SCUBE1: variants seen among roughly 807,000 people sequenced by gnomAD.
SCUBE1 encodes the protein signal peptide, CUB domain and EGF like domain containing 1.
A neutral mutation model predicts 124.4 loss-of-function variants in SCUBE1; 59 were observed. The ratio of observed to expected loss-of-function variants is 0.47; its 90% CI spans 0.38 to 0.59. The LOEUF is 0.59. SCUBE1 is among the 20% of genes least tolerant of loss of function. The pLI, the probability that SCUBE1 is intolerant of heterozygous loss-of-function variation, is 0.00. For missense variants in SCUBE1, 1,150 were observed against 1,371.2 expected, an observed-to-expected ratio of 0.84 and a Z score of 2.55; for synonymous variants, 545 against 550.9, an observed-to-expected ratio of 0.99 and a Z score of 0.15.
At chr22:43,229,211 A>G in intron 8 of SCUBE1, 23 bp from the exon 9 acceptor site, 1 of 934,932 alleles carries the variant, frequency 1.1e-6, no homozygotes, top group Non-Finnish European at 1.6e-6. Context: ...AGGGAGACAA[A>G]GTTGGGGGAG....
At chr22:43,219,622 T>C (rs140779935) in intron 14 of SCUBE1, among the ~76,000 whole-genome samples, 11,243 of 151,726 alleles carry the variant, frequency 0.074, 754 homozygotes, top group African/African-American at 0.17. Flanking sequence ...TACAGGTGCC[T>C]GCCACCACAC....
At chr22:43,297,030 C>A (rs1172345879) in intron 3 of SCUBE1, among the ~76,000 whole-genome samples, 1 of 152,234 alleles carries the variant, frequency 6.6e-6, no homozygotes, top group East Asian at 1.9e-4. Flanking sequence ...AAAGGCTGAG[C>A]ATTTGGAGCA....
chr22:43,330,698 C>CT (rs1286779683), intron 2 of SCUBE1, among the ~76,000 whole-genome samples: 1 of 152,190 alleles, frequency 6.6e-6, no homozygotes, highest in Non-Finnish European at 1.5e-5. Flanking sequence ...GTAGCATGAG[C>CT]TTTTTATTTT....
In SCUBE1 at chr22:43,219,674, A is replaced by G. The variant is rs561564934; in HGVS notation, c.1687+776T>C. Among the ~76,000 whole-genome samples the G allele has an allele frequency of 2.8e-4, 42 of 152,112 alleles. 1 individual carries two copies. Among genetic ancestry groups the G allele is most frequent in the Admixed American group, 2.4e-3 (36 of 15,294 alleles). ...TTTTTAGTAGAGACAGGGTTTCACC[A>G]TGTTGGCCAGGCTGGTCTTGAACTC... On this transcript the variant is annotated intron_variant, in intron 14 of 21. Transcript: ENST00000360835.
At chr22:43,302,463 T>G (rs567697663) in intron 3 of SCUBE1, among the ~76,000 whole-genome samples, 1 of 152,320 alleles carries the variant, frequency 6.6e-6, no homozygotes, top group East Asian at 1.9e-4. Flanking sequence ...GGCCAGTTCC[T>G]CCTTGAACTT....
intron 2 of SCUBE1, among the ~76,000 whole-genome samples, 197 bp downstream of exon 2, chr22:43,338,907 C>T (rs1927173205): frequency 6.6e-6 from 1 of 152,230 alleles, no homozygotes; most frequent in Admixed American, 6.5e-5. Flanking sequence ...CTAACTCCAC[C>T]CTTCCAGGGA....
At chr22:43,312,098 G>C (rs1185477031) in intron 3 of SCUBE1, among the ~76,000 whole-genome samples, 6 of 152,230 alleles carry the variant, frequency 3.9e-5, no homozygotes, top group African/African-American at 1.4e-4. Flanking sequence ...AAAATCAGAG[G>C]CTTGTTAGGT....
intron 6 of SCUBE1, among the ~76,000 whole-genome samples, chr22:43,251,939 C>T (rs531314151): frequency 1.3e-5 from 2 of 152,154 alleles, no homozygotes; most frequent in Admixed American, 6.5e-5. Context: ...AGCAGGGTCC[C>T]GGGGCCTGAG....
intron 3 of SCUBE1, among the ~76,000 whole-genome samples, chr22:43,291,933 C>T (rs1335477245): frequency 1.3e-5 from 2 of 152,106 alleles, no homozygotes; most frequent in Non-Finnish European, 2.9e-5. Flanking sequence ...GTGGCAGAGG[C>T]AGGATTCAAA....
chr22:43,294,414 G>C (rs1448102524), intron 3 of SCUBE1, among the ~76,000 whole-genome samples: 1 of 152,010 alleles, frequency 6.6e-6, no homozygotes, highest in Non-Finnish European at 1.5e-5. Flanking sequence ...GCCCAGGACA[G>C]ACTGGGCTCA....
At chr22:43,218,703 A>G (rs1286658842) in intron 14 of SCUBE1, among the ~76,000 whole-genome samples, 1 of 152,220 alleles carries the variant, frequency 6.6e-6, no homozygotes, top group African/African-American at 2.4e-5. Context: ...GGCAGCTGCC[A>G]CTGCACCACA....
rs1325632665 is a variant in SCUBE1, at chr22:43,281,442, CCCT to C, written c.484+9601_484+9603del. ...ATCCTCCTGTCACCTCCCTTGGCCACCCTCCTGTCATCTCCCTCAGCCACCCTC... is the reference window on the plus strand; with the variant it reads ...ATCCTCCTGTCACCTCCCTTGGCCACCCTGTCATCTCCCTCAGCCACCCTC... On this transcript the variant is annotated intron_variant, in intron 4 of 21. Transcript: ENST00000360835. 1.6e-4 allele frequency among the ~76,000 whole-genome samples: 10 copies of C among 63,234 alleles called. 1 individual carries two copies. The highest frequency in any genetic ancestry group is 2.7e-4 in the Non-Finnish European group (10 of 36,652). The allele number at this position is 63,234 out of a possible 152,430, so 41.5% of individuals were successfully genotyped here. A position where few individuals can be genotyped will look rare whatever the true frequency, so the allele number is the denominator to read the frequency against.
At chr22:43,239,520 C>T (rs576081666) in intron 6 of SCUBE1, among the ~76,000 whole-genome samples, 1 of 152,390 alleles carries the variant, frequency 6.6e-6, no homozygotes, top group African/African-American at 2.4e-5. Flanking sequence ...ATGCCAAAGG[C>T]ATCTGGTTTT....
chr22:43,332,674 C>G (rs888503154), intron 2 of SCUBE1, among the ~76,000 whole-genome samples: 13 of 152,188 alleles, frequency 8.5e-5, no homozygotes, highest in Admixed American at 8.5e-4. Context: ...CACCAGTTAT[C>G]CTCAGACTAG....
At chr22:43,287,906 C>T (rs1298935646) in intron 4 of SCUBE1, among the ~76,000 whole-genome samples, 1 of 152,198 alleles carries the variant, frequency 6.6e-6, no homozygotes. Context: ...AGACAACCTG[C>T]CCAGTCCCCA....
chr22:43,208,764 T>G (rs1921405932), intron 19 of SCUBE1, among the ~76,000 whole-genome samples: 1 of 152,198 alleles, frequency 6.6e-6, no homozygotes, highest in East Asian at 1.9e-4. Flanking sequence ...AGGAGCCGAG[T>G]GCGGCAGCGT....
chr22:43,278,187 C>T (rs879058595), intron 4 of SCUBE1, among the ~76,000 whole-genome samples: 3 of 152,266 alleles, frequency 2.0e-5, no homozygotes, highest in South Asian at 2.1e-4. Context: ...CCAGGACAGG[C>T]CTCCTCCGGT....
At chr22:43,274,757 C>T (rs969750894) in intron 4 of SCUBE1, among the ~76,000 whole-genome samples, 1 of 152,182 alleles carries the variant, frequency 6.6e-6, no homozygotes, top group Non-Finnish European at 1.5e-5. Context: ...ACCCACATGC[C>T]GCAGAAAGGA....
intron 4 of SCUBE1, among the ~76,000 whole-genome samples, chr22:43,289,810 G>A (rs78995119): frequency 0.018 from 2,781 of 152,310 alleles, 93 homozygotes; most frequent in African/African-American, 0.064. Context: ...TGGGAGAGGA[G>A]GAGCTGGATT....
Sources: gnomAD v4.1 joint callset for allele counts (sites outside exome capture counted in the v4.1 genomes callset) on GRCh38, gnomAD v4.1.1 for gene constraint, MANE v1.5 for transcripts, NCBI Gene and HGNC (gene_info 2026-07-23, HGNC 2026-07-21) for gene names.